POGLUT2: variants seen among roughly 807,000 people sequenced by gnomAD.
The protein encoded by POGLUT2 is ER protein 58.
Under a neutral mutation model 57.6 loss-of-function variants are expected in POGLUT2, and 47 were observed. The ratio of observed to expected loss-of-function variants is 0.82; its 90% CI spans 0.65 to 1.04. The LOEUF is 1.04. POGLUT2 is among the 50% of genes least tolerant of loss of function. The pLI is 0.00. For synonymous variants in POGLUT2, 200 were observed against 218.8 expected, an observed-to-expected ratio of 0.91 and a Z score of 0.76; for missense variants, 565 against 614.8, an observed-to-expected ratio of 0.92 and a Z score of 0.86.
At chr13:102,796,190 G>A (rs1878369734) in intron 2 of POGLUT2, among the ~76,000 whole-genome samples, 1 of 151,734 alleles carries the variant, frequency 6.6e-6, no homozygotes, top group Admixed American at 6.6e-5. Flanking sequence ...AGCTACATGG[G>A]AGGCTAAGGC....
At chr13:102,785,490 A>T (rs1024091039) in intron 9 of POGLUT2, among the ~76,000 whole-genome samples, 16 of 136,358 alleles carry the variant, frequency 1.2e-4, no homozygotes, top group African/African-American at 3.0e-4. Flanking sequence ...ACACACACAC[A>T]CTCTAGTTTA....
At position 102,791,117 on chromosome 13, in the gene POGLUT2, G is replaced by A. The variant is rs373463614; in HGVS notation, c.867C>T (p.Ser289=). Residue 289 remains serine (S), a synonymous_variant, in exon 6 of 10, where the codon TCC becomes TCT. Transcript: ENST00000376004. The part of the protein sequence containing the change: ...TMGRVSLDMM[S]VQANTGPPWE... ...AGGGAGGACCCGTGTTAGCTTGCACGGACATCATATCCAGACTTACCCTAG... is the reference window on the plus strand; with the variant it reads ...AGGGAGGACCCGTGTTAGCTTGCACAGACATCATATCCAGACTTACCCTAG... 1.9e-5 allele frequency: 30 copies of A among 1,613,910 alleles called. No individual in the cohort carries two copies. Among genetic ancestry groups the A allele is most frequent in the South Asian group, 7.7e-5 (7 of 91,080 alleles).
chr13:102,791,152 TG>T lies in POGLUT2; in HGVS notation c.846-15del. On this transcript the variant is annotated splice_polypyrimidine_tract_variant and intron_variant, in intron 5 of 9. Transcript: ENST00000376004. The stretch of plus-strand genomic sequence containing the variant: ...TCCAGACTTACCCTAGAAGACAAAG[TG>T]CAACAGATTTTCCTCCCAAATCATC... 1 of 1,611,022 alleles carries T rather than the reference TG, an allele frequency of 6.2e-7. No homozygotes were observed. Among genetic ancestry groups the T allele is most frequent in the Non-Finnish European group, 8.5e-7 (1 of 1,177,262 alleles).
At chr13:102,788,160 C>T (rs1025214758) in intron 7 of POGLUT2, among the ~76,000 whole-genome samples, 1 of 152,220 alleles carries the variant, frequency 6.6e-6, no homozygotes, top group African/African-American at 2.4e-5. Context: ...CTAAGCCTCT[C>T]CTGGAGAGAC....
chr13:102,794,895 A>C (rs1257215904), intron 2 of POGLUT2, among the ~76,000 whole-genome samples: 1 of 152,000 alleles, frequency 6.6e-6, no homozygotes, highest in East Asian at 1.9e-4. Flanking sequence ...TAAGTAAATC[A>C]TCAATAACAG....
chr13:102,796,697 AAAAT>A (rs1161742094), intron 2 of POGLUT2, 103 bp downstream of exon 2: 4,941 of 139,426 alleles, frequency 0.035, 128 homozygotes, highest in Admixed American at 0.13. Flanking sequence ...AAAAAAAAAA[AAAAT>A]ATATATATAT....
Position 102,793,767 on chromosome 13 carries a change from T to TGGCTA in POGLUT2, c.427_428insTAGCC (p.Asp143ValfsTer11). Reference sequence around the variant, plus strand: ...CATCTCCCGTAGCCAGGCTGCACTATCTTGCAGAGGACAGTCACAGTTCTC... The same window carrying TGGCTA: ...CATCTCCCGTAGCCAGGCTGCACTATGGCTACTTGCAGAGGACAGTCACAGTTCTC... On this transcript the variant is annotated frameshift_variant, in exon 3 of 10. Coordinates refer to ENST00000376004, the MANE Select transcript of POGLUT2 (RefSeq NM_024089.3). LOFTEE classifies it high-confidence loss of function. 2 of 1,614,112 alleles carry TGGCTA rather than the reference T, an allele frequency of 1.2e-6. No homozygotes were observed. The highest frequency in any genetic ancestry group is 1.7e-6 in the Non-Finnish European group (2 of 1,180,052).
chr13:102,794,730 C>A (rs76996758), intron 2 of POGLUT2, among the ~76,000 whole-genome samples: 3,241 of 152,164 alleles, frequency 0.021, 45 homozygotes, highest in Non-Finnish European at 0.029. Flanking sequence ...GCTCATTATT[C>A]CTTATGTTTT....
chr13:102,798,811 G>T lies in POGLUT2; in HGVS notation c.-141C>A. 1 of 858,022 alleles carries T rather than the reference G, an allele frequency of 1.2e-6. No homozygotes were observed. Among genetic ancestry groups the T allele is most frequent in the Non-Finnish European group, 1.7e-6 (1 of 586,966 alleles). The allele number at this position is 858,022 out of a possible 1,614,324, so 53.2% of individuals were successfully genotyped here. ...TGCAAAGGTTGCCGCCCGGCGTGCA[G>T]GGCAGGCGCGCGGGTCTCCGCGACC... On this transcript the variant is annotated 5_prime_UTR_variant, in exon 1 of 10. The change creates a new upstream start codon in the 5' untranslated region. Transcript: ENST00000376004.
At chr13:102,786,154 T>C in intron 9 of POGLUT2, 78 bp downstream of exon 9, 1 of 881,592 alleles carries the variant, frequency 1.1e-6, no homozygotes, top group Non-Finnish European at 1.9e-6. Flanking sequence ...CCTGATTGAA[T>C]GACTATAGGA....
intron 8 of POGLUT2, 121 bp downstream of exon 8, chr13:102,787,713 C>T (rs1878003494): frequency 2.2e-6 from 1 of 455,816 alleles, no homozygotes; most frequent in Non-Finnish European, 3.8e-6. Flanking sequence ...TGATTTTCAT[C>T]CACAGAAGTA....
intron 6 of POGLUT2, 37 bp downstream of exon 6, chr13:102,790,864 G>GA (rs1383886082): frequency 1.4e-6 from 2 of 1,385,584 alleles, no homozygotes; most frequent in Non-Finnish European, 2.1e-6. Context: ...AAATACATTA[G>GA]AAAAACAAAA....
rs757769544 is a variant in POGLUT2, at chr13:102,791,268, T to C, written c.835A>G (p.Thr279Ala). The change falls in exon 5 of 10, where the codon ACC becomes GCC. Residue 279 changes from threonine to alanine, a missense_variant. Coordinates refer to ENST00000376004, the MANE Select transcript of POGLUT2 (RefSeq NM_024089.3). ...TYDLTDSVLE[T>A]MGRVSLDMMS... is the part of the protein sequence containing the mutation. ...TGACTTATCTCTCACCGGCCCATGG[T>C]TTCCAGAACAGAATCAGTCAAATCG... 6.2e-7 allele frequency: 1 copy of C among 1,601,890 alleles called. No individual in the cohort carries two copies. The highest frequency in any genetic ancestry group is 1.1e-5 in the South Asian group (1 of 89,118).
At chr13:102,790,873 A>G (rs1438679914) in intron 6 of POGLUT2, 28 bp downstream of exon 6, 1 of 1,434,830 alleles carries the variant, frequency 7.0e-7, no homozygotes, top group Non-Finnish European at 9.8e-7. Flanking sequence ...AGAAAAACAA[A>G]AAAGATTAGC....
At chr13:102,790,556 A>C (rs1308849939) in intron 6 of POGLUT2, among the ~76,000 whole-genome samples, 2 of 152,246 alleles carry the variant, frequency 1.3e-5, no homozygotes, top group Non-Finnish European at 2.9e-5. Flanking sequence ...CTGTTGTGAT[A>C]ACATGGCTCT....
chr13:102,787,552 T>C (rs181287755), intron 8 of POGLUT2, among the ~76,000 whole-genome samples: 8 of 152,320 alleles, frequency 5.3e-5, no homozygotes, highest in African/African-American at 7.2e-5. Context: ...TACAAATCCA[T>C]GCACTGTAAC....
Position 102,789,147 on chromosome 13 carries a change from A to T in POGLUT2, c.1158T>A (p.Val386=), listed in dbSNP as rs1399382672. 1 of 1,614,184 alleles carries T rather than the reference A, an allele frequency of 6.2e-7. No homozygotes were observed. The highest frequency in any genetic ancestry group is 1.1e-5 in the South Asian group (1 of 91,080). ...RLPYLLVGDS[V]VLKQDSIYYE... Reference sequence around the variant, plus strand: ...AGTAGATGGAATCCTGCTTCAGCACAACACTGTCACCAACTAGCAAATATG... The same window carrying T: ...AGTAGATGGAATCCTGCTTCAGCACTACACTGTCACCAACTAGCAAATATG... The change falls in exon 7 of 10, where the codon GTT becomes GTA. Residue 386 remains valine, a synonymous_variant. Coordinates refer to ENST00000376004, the MANE Select transcript of POGLUT2 (RefSeq NM_024089.3).
intron 8 of POGLUT2, 128 bp from the exon 9 acceptor site, chr13:102,786,467 C>T (rs973092485): frequency 1.0e-5 from 7 of 677,070 alleles, no homozygotes; most frequent in East Asian, 5.1e-5. Context: ...CTGCATAGTC[C>T]GTCATATATA....
At chr13:102,792,142 T>C in intron 4 of POGLUT2, 1 of 1,220,260 alleles carries the variant, frequency 8.2e-7, no homozygotes, top group Non-Finnish European at 1.0e-6. Flanking sequence ...ACTACCTACA[T>C]TCAGAATTAA....
Sources: allele counts gnomAD v4.1 joint callset (sites outside exome capture counted in the v4.1 genomes callset), GRCh38; gene constraint gnomAD v4.1.1; transcripts MANE v1.5; gene names NCBI Gene and HGNC (gene_info 2026-07-23, HGNC 2026-07-21).